GRB14: variants seen among roughly 807,000 people sequenced by gnomAD.
GRB14 encodes the protein growth factor receptor bound protein 14.
GRB14 carries 38 observed loss-of-function variants against 69.1 expected under a neutral mutation model. The observed-to-expected ratio is 0.55, with a 90% confidence interval of 0.42 to 0.72. The LOEUF is 0.72. Ranked by LOEUF, GRB14 falls within the 30% of genes least tolerant of loss-of-function variation. The pLI is 0.00. For synonymous variants in GRB14, 247 were observed against 241.3 expected (o/e 1.02, Z -0.22); for missense variants, 666 against 666.1 (o/e 1.00, Z 0.00).
intron 3 of GRB14, among the ~76,000 whole-genome samples, chr2:164,537,061 G>A (rs1182533418): frequency 6.6e-6 from 1 of 152,128 alleles, no homozygotes; most frequent in Non-Finnish European, 1.5e-5. Flanking sequence ...TTTGCGCCAT[G>A]CAGTCAGGCA....
At chr2:164,590,505 T>G (rs1472376942) in intron 2 of GRB14, among the ~76,000 whole-genome samples, 2 of 152,156 alleles carry the variant, frequency 1.3e-5, no homozygotes, top group Non-Finnish European at 2.9e-5. Context: ...ACAAATAAAT[T>G]TCATGACCTT....
chr2:164,590,318 A>C (rs1689632312), intron 2 of GRB14, among the ~76,000 whole-genome samples: 1 of 152,226 alleles, frequency 6.6e-6, no homozygotes. Flanking sequence ...CAAGGAATTA[A>C]GACCAGTCAC....
chr2:164,570,528 C>G (rs1689101925), intron 2 of GRB14, among the ~76,000 whole-genome samples: 1 of 151,916 alleles, frequency 6.6e-6, no homozygotes, highest in South Asian at 2.1e-4. Flanking sequence ...TGATTAAATG[C>G]TAAGTATCAA....
chr2:164,545,317 G>GA (rs1688347309), intron 3 of GRB14, among the ~76,000 whole-genome samples: 1 of 151,842 alleles, frequency 6.6e-6, no homozygotes, highest in African/African-American at 2.4e-5. Context: ...ATGTCACGTG[G>GA]AAAAAAAATT....
chr2:164,621,022 A>T lies in GRB14; in HGVS notation c.191+97T>A. 9.3e-7 allele frequency: 1 copy of T among 1,070,272 alleles called. No homozygotes were observed. Among genetic ancestry groups the T allele is most frequent in the Non-Finnish European group, 1.2e-6 (1 of 833,550 alleles). 66.3% of individuals were successfully genotyped at this position (1,070,272 alleles called of 1,614,324 possible). Reference sequence around the variant, plus strand: ...TCAGAGACTTTTACAAACTTGGCCCAGCTCTGGGCACATGGCTCACCCCCT... The same window carrying T: ...TCAGAGACTTTTACAAACTTGGCCCTGCTCTGGGCACATGGCTCACCCCCT... On this transcript the variant is annotated intron_variant, in intron 1 of 13. Coordinates refer to ENST00000263915, the MANE Select transcript of GRB14 (RefSeq NM_004490.3). This position sits in a 1 kb window ranked among gnomAD's most constrained non-coding sequence, Gnocchi z 6.0.
chr2:164,527,840 G>C (rs1214147619), intron 3 of GRB14, among the ~76,000 whole-genome samples: 1 of 151,990 alleles, frequency 6.6e-6, no homozygotes, highest in East Asian at 1.9e-4. Flanking sequence ...GTTTTAAAGA[G>C]GTGACTATAA....
At chr2:164,525,356 G>A (rs769104131) in intron 4 of GRB14, among the ~76,000 whole-genome samples, 3 of 152,076 alleles carry the variant, frequency 2.0e-5, no homozygotes, top group Non-Finnish European at 4.4e-5. Context: ...AGTTGACAAT[G>A]TGCTTGCTCC....
At chr2:164,546,477 G>A (rs1468237363) in intron 3 of GRB14, among the ~76,000 whole-genome samples, 1 of 152,108 alleles carries the variant, frequency 6.6e-6, no homozygotes, top group Non-Finnish European at 1.5e-5. Flanking sequence ...ATTTTCCCCA[G>A]AAGTATCCCA....
rs144801972 is a variant in GRB14, at chr2:164,508,540, G to C, written c.938C>G (p.Ala313Gly). 3.7e-6 allele frequency: 6 copies of C among 1,613,674 alleles called. No individual in the cohort carries two copies. Among genetic ancestry groups the C allele is most frequent in the Middle Eastern group, 1.7e-4 (1 of 6,060 alleles). ...CATTTTCAGGTCTCGGGGCCCTCCC[G>C]CTTTGTTAGGCTAGAAGGCCACAGC... is the stretch of plus-strand genomic sequence containing the variant. ...NYGFCFKPNK[A>G]GGPRDLKMLC... The change falls in exon 8 of 14, where the codon GCG becomes GGG. Residue 313 changes from alanine (A) to glycine (G), a missense_variant. Coordinates refer to ENST00000263915, the MANE Select transcript of GRB14 (RefSeq NM_004490.3).
intron 2 of GRB14, among the ~76,000 whole-genome samples, chr2:164,603,204 C>G (rs1689962612): frequency 6.6e-6 from 1 of 151,640 alleles, no homozygotes; most frequent in South Asian, 2.1e-4. Flanking sequence ...AAAAGGGGAA[C>G]TTAATACATG....
chr2:164,492,958 T>A lies in GRB14; in HGVS notation c.*78A>T, dbSNP rs1360242988. The A allele has an allele frequency of 5.3e-6, 7 of 1,325,620 alleles. No individual in the cohort carries two copies. The highest frequency in any genetic ancestry group is 7.2e-6 in the Non-Finnish European group (7 of 971,040). The allele number at this position is 1,325,620 out of a possible 1,614,324, so 82.1% of individuals were successfully genotyped here. A position where few individuals can be genotyped will look rare whatever the true frequency, so the allele number is the denominator to read the frequency against. On this transcript the variant is annotated 3_prime_UTR_variant, in exon 14 of 14. Transcript: ENST00000263915. ...ACATTCTTTTCACATGGTAATGTTT[T>A]CGCCCTTATTTATGGTCTTTTATTA...
At chr2:164,508,879 T>C (rs2105267091) in intron 6 of GRB14, 27 bp from the exon 7 acceptor site, 2 of 1,433,136 alleles carry the variant, frequency 1.4e-6, no homozygotes, top group East Asian at 4.6e-5. Flanking sequence ...TTGACATGGA[T>C]ACATATTTTT....
intron 2 of GRB14, among the ~76,000 whole-genome samples, chr2:164,618,797 G>A (rs1463089571): frequency 2.0e-5 from 3 of 152,256 alleles, no homozygotes; most frequent in Middle Eastern, 3.4e-3. Context: ...AGCAATAGAC[G>A]CGGAAAAATG....
intron 2 of GRB14, among the ~76,000 whole-genome samples, chr2:164,575,298 T>C (rs750545356): frequency 2.6e-5 from 4 of 152,204 alleles, no homozygotes; most frequent in Non-Finnish European, 5.9e-5. Flanking sequence ...CTTGTTTTCA[T>C]AGGATCTTCT....
chr2:164,603,669 AAAATAT>A (rs1394875773), intron 2 of GRB14, among the ~76,000 whole-genome samples: 2 of 111,766 alleles, frequency 1.8e-5, no homozygotes, highest in Non-Finnish European at 4.1e-5. Context: ...CCTCAAAAAA[AAAATAT>A]ATATATATTA....
intron 2 of GRB14, among the ~76,000 whole-genome samples, chr2:164,575,995 A>G (rs1324479921): frequency 6.6e-6 from 1 of 152,144 alleles, no homozygotes; most frequent in East Asian, 1.9e-4. Flanking sequence ...GCTCTATTCT[A>G]TGGGAAAGAG....
intron 2 of GRB14, among the ~76,000 whole-genome samples, chr2:164,564,972 G>A (rs1159672458): frequency 2.6e-5 from 4 of 152,158 alleles, no homozygotes; most frequent in Non-Finnish European, 5.9e-5. Context: ...CCAAGATGGC[G>A]CCACTGCACT....
At chr2:164,594,753 T>A (rs1192537323) in intron 2 of GRB14, among the ~76,000 whole-genome samples, 1 of 152,236 alleles carries the variant, frequency 6.6e-6, no homozygotes, top group African/African-American at 2.4e-5. Flanking sequence ...TTACCATAAG[T>A]ATCGTGTACA....
At chr2:164,550,940 G>C (rs985054415) in intron 2 of GRB14, among the ~76,000 whole-genome samples, 2 of 152,074 alleles carry the variant, frequency 1.3e-5, no homozygotes, top group Non-Finnish European at 2.9e-5. Flanking sequence ...AGCAGACTTG[G>C]TGCTCTGGTA....
Sources: allele counts gnomAD v4.1 joint callset (sites outside exome capture counted in the v4.1 genomes callset), GRCh38; gene constraint gnomAD v4.1.1; non-coding constraint Gnocchi (gnomAD v3.1); transcripts MANE v1.5; gene names NCBI Gene and HGNC (gene_info 2026-07-23, HGNC 2026-07-21).